NME7: variants seen among roughly 807,000 people sequenced by gnomAD.
NME7 encodes nucleoside diphosphate kinase 7.
In NME7, 41 loss-of-function variants were observed where a neutral mutation model predicts 49.1. The observed-to-expected ratio is 0.83, with a 90% confidence interval of 0.65 to 1.08. The LOEUF (loss-of-function observed/expected upper bound fraction) is 1.08. Ranked by LOEUF, NME7 falls within the 50% of genes least tolerant of loss-of-function variation. The pLI, the probability that NME7 is intolerant of heterozygous loss-of-function variation, is 0.00. For synonymous variants in NME7, 139 were observed against 150.6 expected, an observed-to-expected ratio of 0.92 and a Z score of 0.56; for missense variants, 423 against 463.4, an observed-to-expected ratio of 0.91 and a Z score of 0.80.
chr1:169,167,323 T>C (rs888789421), intron 11 of NME7, among the ~76,000 whole-genome samples: 6 of 152,134 alleles, frequency 3.9e-5, no homozygotes, highest in African/African-American at 1.4e-4. Flanking sequence ...GGGGAAGGCT[T>C]TTCTATGTAC....
At chr1:169,207,527 C>T (rs1460184443) in intron 10 of NME7, among the ~76,000 whole-genome samples, 1 of 152,030 alleles carries the variant, frequency 6.6e-6, no homozygotes, top group Non-Finnish European at 1.5e-5. Flanking sequence ...TTAACTACAC[C>T]TTCACTATCA....
intron 11 of NME7, among the ~76,000 whole-genome samples, chr1:169,155,987 C>T (rs1659056429): frequency 6.6e-6 from 1 of 151,974 alleles, no homozygotes; most frequent in South Asian, 2.1e-4. Flanking sequence ...GTCTACTGAA[C>T]TAGACACTGG....
At chr1:169,152,796 A>G (rs555607578) in intron 11 of NME7, among the ~76,000 whole-genome samples, 1 of 152,080 alleles carries the variant, frequency 6.6e-6, no homozygotes, top group South Asian at 2.1e-4. Context: ...TACTCACCTT[A>G]AACTCTGCTG....
Position 169,257,628 on chromosome 1 carries a change from T to C in NME7, c.755-19941A>G, listed in dbSNP as rs1173750122. Among the ~76,000 whole-genome samples the C allele has an allele frequency of 2.2e-5, 3 of 134,318 alleles. 1 individual carries two copies. Among genetic ancestry groups the C allele is most frequent in the Non-Finnish European group, 5.3e-5 (3 of 57,094 alleles). 88.1% of individuals were successfully genotyped at this position (134,318 alleles called of 152,430 possible). On this transcript the variant is annotated intron_variant, in intron 7 of 11. Coordinates refer to ENST00000367811, the MANE Select transcript of NME7 (RefSeq NM_013330.5). Reference sequence around the variant, plus strand: ...TATTGTTATTGTTTTATAGGCCCCATTAGTTTTATGCTTTCAAGAGGTTCT... The same window carrying C: ...TATTGTTATTGTTTTATAGGCCCCACTAGTTTTATGCTTTCAAGAGGTTCT...
At chr1:169,295,101 G>A (rs1306690993) in intron 6 of NME7, among the ~76,000 whole-genome samples, 1 of 152,032 alleles carries the variant, frequency 6.6e-6, no homozygotes, top group Non-Finnish European at 1.5e-5. Context: ...TCCACCTCAG[G>A]CAGTGGAAGC....
intron 10 of NME7, among the ~76,000 whole-genome samples, chr1:169,217,551 C>A (rs1661005718): frequency 6.6e-6 from 1 of 152,072 alleles, no homozygotes; most frequent in Non-Finnish European, 1.5e-5. Flanking sequence ...TTATATGTAG[C>A]TTGTATTACA....
intron 7 of NME7, among the ~76,000 whole-genome samples, chr1:169,275,142 C>T (rs35098610): frequency 0.089 from 11,649 of 131,360 alleles, 3,093 homozygotes; most frequent in East Asian, 0.75. Context: ...TTTTATTTCA[C>T]TGAGCAATGG....
intron 1 of NME7, among the ~76,000 whole-genome samples, chr1:169,332,738 C>G (rs1003602734): frequency 6.6e-6 from 1 of 152,236 alleles, no homozygotes; most frequent in East Asian, 1.9e-4. Context: ...CATCACTGAT[C>G]ATCAGAGAAA....
intron 7 of NME7, among the ~76,000 whole-genome samples, chr1:169,258,104 A>C (rs186372670): frequency 7.6e-6 from 1 of 131,730 alleles, no homozygotes; most frequent in Admixed American, 7.5e-5. Flanking sequence ...TTGAGGGGCC[A>C]AGTCAGGAGG....
At chr1:169,231,893 CTT>C (rs1647638868) in intron 9 of NME7, among the ~76,000 whole-genome samples, 1 of 151,460 alleles carries the variant, frequency 6.6e-6, no homozygotes, top group Non-Finnish European at 1.5e-5. Flanking sequence ...ATTGAGCACT[CTT>C]TACAAATCTA....
rs1025074729 is a variant in NME7, at chr1:169,273,200, C to T, written c.754+14103G>A. Reference sequence around the variant, plus strand: ...AATTAGGTATTTCTCCTAATGTCATCCCTCCCCTAGCCTCCCACCCCCTGA... The same window carrying T: ...AATTAGGTATTTCTCCTAATGTCATTCCTCCCCTAGCCTCCCACCCCCTGA... On this transcript the variant is annotated intron_variant, in intron 7 of 11. Coordinates refer to ENST00000367811, the MANE Select transcript of NME7 (RefSeq NM_013330.5). 3.8e-5 allele frequency among the ~76,000 whole-genome samples: 5 copies of T among 132,648 alleles called. 1 individual carries two copies. Among genetic ancestry groups the T allele is most frequent in the Non-Finnish European group, 8.9e-5 (5 of 56,460 alleles). 87.0% of individuals were successfully genotyped at this position (132,648 alleles called of 152,430 possible).
chr1:169,336,671 T>A (rs1652489177), intron 1 of NME7, among the ~76,000 whole-genome samples: 1 of 150,266 alleles, frequency 6.7e-6, no homozygotes, highest in Non-Finnish European at 1.5e-5. Flanking sequence ...GTATTTACAA[T>A]CCCTTAGCTA....
At chr1:169,140,913 G>A (rs972088926) in intron 11 of NME7, among the ~76,000 whole-genome samples, 5 of 152,026 alleles carry the variant, frequency 3.3e-5, no homozygotes, top group African/African-American at 9.7e-5. Flanking sequence ...GGTCCTAGAC[G>A]TCCACATTTT....
intron 10 of NME7, among the ~76,000 whole-genome samples, chr1:169,223,049 T>C (rs969310971): frequency 3.3e-5 from 5 of 152,232 alleles, no homozygotes; most frequent in African/African-American, 1.2e-4. Context: ...TGCATTTAGA[T>C]ATCATGTCTC....
At chr1:169,265,350 A>C (rs1649287005) in intron 7 of NME7, among the ~76,000 whole-genome samples, 1 of 134,120 alleles carries the variant, frequency 7.5e-6, no homozygotes, top group Non-Finnish European at 1.7e-5. Flanking sequence ...ATACAATTGC[A>C]TGGAAATTAA....
intron 1 of NME7, among the ~76,000 whole-genome samples, chr1:169,342,547 A>ATATATATATACAAGTAGATATATATAG (rs1652760138): frequency 8.3e-6 from 1 of 120,068 alleles, no homozygotes. Flanking sequence ...TATATATAGT[A>ATATATATATACAAGTAGATATATATAG]TATATATATA....
intron 11 of NME7, 21 bp from the exon 12 acceptor site, chr1:169,132,838 A>ATTTC (rs1557955225): frequency 1.9e-6 from 3 of 1,612,082 alleles, no homozygotes; most frequent in South Asian, 1.1e-5. Context: ...GAAACACATA[A>ATTTC]TTTCTTAGTT....
At chr1:169,228,444 G>A (rs1571307838) in intron 10 of NME7, among the ~76,000 whole-genome samples, 1 of 151,868 alleles carries the variant, frequency 6.6e-6, no homozygotes, top group Non-Finnish European at 1.5e-5. Context: ...TTGGGAGGCC[G>A]AGGCGGGTGG....
intron 1 of NME7, among the ~76,000 whole-genome samples, chr1:169,335,890 T>C (rs1266071317): frequency 6.6e-6 from 1 of 151,766 alleles, no homozygotes; most frequent in South Asian, 2.1e-4. Flanking sequence ...AAGTGGCTTC[T>C]AAACAAGGAA....
Sources: allele counts gnomAD v4.1 joint callset (sites outside exome capture counted in the v4.1 genomes callset), GRCh38; gene constraint gnomAD v4.1.1; transcripts MANE v1.5; gene names NCBI Gene and HGNC (gene_info 2026-07-23, HGNC 2026-07-21).